SRFBP1: variants seen among roughly 807,000 people sequenced by gnomAD.
The protein encoded by SRFBP1 is serum response factor-binding protein 1.
In SRFBP1, 47 loss-of-function variants were observed where a neutral mutation model predicts 45.5. The observed-to-expected ratio is 1.03, with a 90% confidence interval of 0.82 to 1.32. SRFBP1 has a LOEUF of 1.32. SRFBP1 is among the 40% of genes most tolerant of loss of function. The pLI, the probability that SRFBP1 is intolerant of heterozygous loss-of-function variation, is 0.00. For synonymous variants in SRFBP1, 203 were observed against 166.3 expected (o/e 1.22, Z -1.70); for missense variants, 621 against 484.6 (o/e 1.28, Z -2.64).
In SRFBP1 at chr5:122,026,970, G is replaced by T. The variant is rs375993474; in HGVS notation, c.1134G>T (p.Lys378Asn). The T allele has an allele frequency of 1.2e-6, 2 of 1,611,894 alleles. No homozygotes were observed. The highest frequency in any genetic ancestry group is 2.2e-5 in the South Asian group (2 of 90,570). The change falls in exon 8 of 8, where the codon AAG (lysine) becomes AAT (asparagine). Residue 378 changes from lysine (K) to asparagine (N), a missense_variant. Transcript: ENST00000339397. ...LDFPQNEPQI[K>N]NQFNKKLSGR... ...TTCCACAGAATGAGCCTCAGATCAAGAATCAGTTTAATAAGAAGCTATCAG... is the reference window on the plus strand; with the variant it reads ...TTCCACAGAATGAGCCTCAGATCAATAATCAGTTTAATAAGAAGCTATCAG...
chr5:122,050,621 A>G (rs1473537249), intron 2 of SRFBP1, among the ~76,000 whole-genome samples: 3 of 151,772 alleles, frequency 2.0e-5, no homozygotes, highest in African/African-American at 4.8e-5. Flanking sequence ...GTTGTTTCTA[A>G]TTGTGTTTAT....
Position 122,053,772 on chromosome 5 carries a change from G to A in SRFBP1, n.312-21543G>A, listed in dbSNP as rs143696322. Among the ~76,000 whole-genome samples the A allele has an allele frequency of 5.2e-3, 787 of 152,272 alleles. 13 individuals carry two copies. Among genetic ancestry groups the A allele is most frequent in the African/African-American group, 0.018 (757 of 41,542 alleles). ...CTCCAGTTGAGTTCACACAGAAGCA[G>A]GACCCCTGGGCCAGAAACTCTAGCA... On this transcript the variant is annotated intron_variant and non_coding_transcript_variant, in intron 2 of 2. Coordinates refer to the SRFBP1 transcript ENST00000504881.
chr5:121,986,911 G>A (rs1423690809), intron 3 of SRFBP1, among the ~76,000 whole-genome samples: 1 of 152,100 alleles, frequency 6.6e-6, no homozygotes, highest in East Asian at 1.9e-4. Flanking sequence ...ATTTATTCAG[G>A]TGATTCTATG....
intron 2 of SRFBP1, chr5:122,066,797 A>T (rs1464360853): frequency 8.6e-7 from 1 of 1,162,052 alleles, no homozygotes; most frequent in Non-Finnish European, 1.3e-6. Context: ...TGATAATATA[A>T]TGAATGAGTA....
At chr5:121,989,592 T>C (rs1354209750) in intron 3 of SRFBP1, among the ~76,000 whole-genome samples, 2 of 152,172 alleles carry the variant, frequency 1.3e-5, no homozygotes, top group African/African-American at 4.8e-5. Flanking sequence ...GGAATAGATA[T>C]ATAACTCCTG....
intron 4 of SRFBP1, among the ~76,000 whole-genome samples, chr5:122,002,675 T>C (rs1752895256): frequency 6.6e-6 from 1 of 152,206 alleles, no homozygotes; most frequent in South Asian, 2.1e-4. Context: ...TATTAGAGTT[T>C]CAAAGTGTTG....
intron 4 of SRFBP1, among the ~76,000 whole-genome samples, chr5:122,000,924 G>T (rs150304950): frequency 6.6e-6 from 1 of 152,038 alleles, no homozygotes; most frequent in Admixed American, 6.6e-5. Context: ...TGAACTGTGT[G>T]TTCCCAGAGG....
At chr5:122,029,757 G>A (rs1196362106), downstream of SRFBP1, among the ~76,000 whole-genome samples, 1 of 152,130 alleles carries the variant, frequency 6.6e-6, no homozygotes, top group Admixed American at 6.5e-5. Flanking sequence ...TCCATTGTCT[G>A]AAAACTGTTG....
chr5:122,021,668 C>CT (rs912072262), intron 6 of SRFBP1, among the ~76,000 whole-genome samples: 2,686 of 96,980 alleles, frequency 0.028, 503 homozygotes, highest in African/African-American at 0.082. Flanking sequence ...AAATATAAAT[C>CT]TTTTTTTTTT....
intron 2 of SRFBP1, among the ~76,000 whole-genome samples, chr5:122,035,802 A>G (rs1472181712): frequency 1.3e-5 from 2 of 152,184 alleles, no homozygotes; most frequent in Non-Finnish European, 2.9e-5. Context: ...AATCTACCAT[A>G]AGCCTTGAGC....
downstream of SRFBP1, among the ~76,000 whole-genome samples, chr5:122,031,049 G>T (rs1753581322): frequency 6.6e-6 from 1 of 152,160 alleles, no homozygotes; most frequent in Non-Finnish European, 1.5e-5. Context: ...CTAAGGAGAA[G>T]CTGTTAACTT....
chr5:122,077,737 G>A (rs763527035), downstream of SRFBP1: 73 of 1,571,384 alleles, frequency 4.6e-5, no homozygotes, highest in Non-Finnish European at 5.4e-5. The surrounding 1 kb of genome is among the most constrained non-coding windows in gnomAD (Gnocchi z 4.9). Flanking sequence ...GCTGCTGGGC[G>A]GAGGCGTTGG....
At chr5:121,971,250 C>T (rs1311942494) in intron 1 of SRFBP1, among the ~76,000 whole-genome samples, 5 of 151,758 alleles carry the variant, frequency 3.3e-5, no homozygotes, top group South Asian at 4.2e-4. Flanking sequence ...GTGGAGAAAC[C>T]GGTTAACAGT....
intron 2 of SRFBP1, among the ~76,000 whole-genome samples, chr5:122,073,445 GT>G (rs1321038834): frequency 6.6e-6 from 1 of 152,168 alleles, no homozygotes; most frequent in African/African-American, 2.4e-5. Flanking sequence ...ACTTTTTAAA[GT>G]GCTTTTAAAG....
At chr5:122,043,515 C>A (rs182416048) in intron 2 of SRFBP1, among the ~76,000 whole-genome samples, 1 of 152,326 alleles carries the variant, frequency 6.6e-6, no homozygotes, top group African/African-American at 2.4e-5. Context: ...CATGCCCAGC[C>A]TGTCGCTGTT....
chr5:121,966,146 A>T (rs1186277960), intron 1 of SRFBP1, among the ~76,000 whole-genome samples: 1 of 152,082 alleles, frequency 6.6e-6, no homozygotes, highest in Non-Finnish European at 1.5e-5. Flanking sequence ...AGACAGTTTG[A>T]CTTCCTCTCT....
intron 4 of SRFBP1, among the ~76,000 whole-genome samples, chr5:121,998,872 CTT>C (rs1752793984): frequency 6.6e-6 from 1 of 152,192 alleles, no homozygotes; most frequent in Non-Finnish European, 1.5e-5. Context: ...ATCTTCCACT[CTT>C]TGGATTTTCT....
intron 3 of SRFBP1, among the ~76,000 whole-genome samples, chr5:121,977,182 G>GGTTTGGTTTA (rs1358140259): frequency 3.3e-5 from 5 of 151,960 alleles, no homozygotes; most frequent in Non-Finnish European, 7.4e-5. Flanking sequence ...GGTTTGGTTT[G>GGTTTGGTTTA]GTTTGATTTG....
At chr5:121,987,284 A>G (rs920464899) in intron 3 of SRFBP1, among the ~76,000 whole-genome samples, 2 of 152,272 alleles carry the variant, frequency 1.3e-5, no homozygotes, top group Non-Finnish European at 1.5e-5. Context: ...GAGCTGTCTA[A>G]TCCTAGCAGC....
Sources: gnomAD v4.1 joint callset for allele counts (sites outside exome capture counted in the v4.1 genomes callset) on GRCh38, gnomAD v4.1.1 for gene constraint, Gnocchi (gnomAD v3.1) non-coding constraint, MANE v1.5 for transcripts, NCBI Gene and HGNC (gene_info 2026-07-23, HGNC 2026-07-21) for gene names.